The following RBFOX1 variants were observed in gnomAD, a reference collection of about 807,000 sequenced individuals.
RBFOX1 encodes the protein RNA binding fox-1 homolog 1.
Under a neutral mutation model 57.7 loss-of-function variants are expected in RBFOX1, and 8 were observed. The ratio of observed to expected loss-of-function variants is 0.14; its 90% CI spans 0.08 to 0.25. The LOEUF (loss-of-function observed/expected upper bound fraction) is 0.25, where lower values mean the gene tolerates loss of function less well. Among genes scored for constraint, RBFOX1 ranks in the 10% least tolerant of loss-of-function variants. The pLI is 1.00. For synonymous variants in RBFOX1, 326 were observed against 222.4 expected (o/e 1.47, Z -4.15); for missense variants, 611 against 548.5 (o/e 1.11, Z -1.14).
At chr16:6,629,019 G>T (rs1309084913) in intron 2 of RBFOX1, among the ~76,000 whole-genome samples, 1 of 152,108 alleles carries the variant, frequency 6.6e-6, no homozygotes, top group Non-Finnish European at 1.5e-5. Flanking sequence ...GACAGAGTAA[G>T]ACTCCATCTC....
intron 5 of RBFOX1, among the ~76,000 whole-genome samples, chr16:7,562,928 T>G (rs1289543250): frequency 6.6e-6 from 1 of 152,202 alleles, no homozygotes; most frequent in African/African-American, 2.4e-5. Context: ...GCCTGAGTTT[T>G]AACAACCAAG....
At chr16:7,237,390 T>A (rs2093821587) in intron 4 of RBFOX1, among the ~76,000 whole-genome samples, 1 of 152,196 alleles carries the variant, frequency 6.6e-6, no homozygotes, top group African/African-American at 2.4e-5. Flanking sequence ...TAATAATTAA[T>A]AATAATTTGA....
At chr16:6,999,483 G>A (rs565273085) in intron 3 of RBFOX1, among the ~76,000 whole-genome samples, 1 of 151,442 alleles carries the variant, frequency 6.6e-6, no homozygotes, top group East Asian at 1.9e-4. Flanking sequence ...CACCCAGGCT[G>A]GAGCATTCTC....
At chr16:6,701,035 AG>A (rs56718003) in intron 3 of RBFOX1, among the ~76,000 whole-genome samples, 28,864 of 150,268 alleles carry the variant, frequency 0.19, 3,649 homozygotes, top group East Asian at 0.46. Context: ...AGTTGGGCAG[AG>A]GGGGGGGTGA....
chr16:5,354,293 C>CT (rs1268022019), intron 1 of RBFOX1, among the ~76,000 whole-genome samples: 1 of 152,176 alleles, frequency 6.6e-6, no homozygotes, highest in South Asian at 2.1e-4. Context: ...GGTTGGACCA[C>CT]TTTTTTTTCT....
At chr16:7,389,452 A>G (rs1001715623) in intron 4 of RBFOX1, among the ~76,000 whole-genome samples, 1 of 152,148 alleles carries the variant, frequency 6.6e-6, no homozygotes, top group African/African-American at 2.4e-5. Flanking sequence ...TGAAATGTTG[A>G]TTGGGGTGTG....
At chr16:7,449,426 A>G (rs981315163) in intron 4 of RBFOX1, among the ~76,000 whole-genome samples, 3 of 152,130 alleles carry the variant, frequency 2.0e-5, no homozygotes, top group Non-Finnish European at 4.4e-5. Flanking sequence ...GAAAACTTGA[A>G]GAGGTTTGGC....
At chr16:7,459,540 G>C (rs2059164715) in intron 4 of RBFOX1, among the ~76,000 whole-genome samples, 1 of 152,182 alleles carries the variant, frequency 6.6e-6, no homozygotes, top group East Asian at 1.9e-4. Flanking sequence ...CCACTGTGTG[G>C]AACAATTTAA....
intron 1 of RBFOX1, among the ~76,000 whole-genome samples, chr16:5,316,427 A>G (rs1327502804): frequency 2.0e-5 from 3 of 152,022 alleles, no homozygotes; most frequent in Non-Finnish European, 4.4e-5. Context: ...ATAGGTGGAG[A>G]TGGTTGGCGT....
chr16:6,607,026 C>T (rs1307859589), intron 2 of RBFOX1, among the ~76,000 whole-genome samples: 2 of 152,142 alleles, frequency 1.3e-5, no homozygotes, highest in African/African-American at 4.8e-5. Context: ...TCTGTTGTTT[C>T]TTGACTTTTT....
chr16:5,511,060 A>T (rs2043567491), intron 2 of RBFOX1, among the ~76,000 whole-genome samples: 1 of 152,174 alleles, frequency 6.6e-6, no homozygotes, highest in African/African-American at 2.4e-5. Context: ...TCACAGCATG[A>T]TGCAATTGGC....
At chr16:7,313,124 C>G (rs1024966881) in intron 4 of RBFOX1, among the ~76,000 whole-genome samples, 31 of 152,316 alleles carry the variant, frequency 2.0e-4, no homozygotes, top group African/African-American at 6.7e-4. Flanking sequence ...CCGGGCCACT[C>G]CTGGAATTTC....
Position 6,543,488 on chromosome 16 carries a change from C to A in RBFOX1, c.-63-111115C>A, listed in dbSNP as rs147308467. 2.7e-3 allele frequency among the ~76,000 whole-genome samples: 405 copies of A among 152,222 alleles called. 2 individuals are homozygous for A. Among genetic ancestry groups the A allele is most frequent in the African/African-American group, 9.4e-3 (392 of 41,532 alleles). ...CTGACATGTGGCTCAGTTTGGGAAC[C>A]CACTTGTTCCCTCTCTGAGATCTTT... is the stretch of plus-strand genomic sequence containing the variant. On this transcript the variant is annotated intron_variant, in intron 2 of 15. Coordinates refer to ENST00000550418, the MANE Select transcript of RBFOX1 (RefSeq NM_018723.4).
chr16:6,288,450 G>T (rs951656252), intron 1 of RBFOX1, among the ~76,000 whole-genome samples: 4 of 152,162 alleles, frequency 2.6e-5, no homozygotes, highest in African/African-American at 9.7e-5. Context: ...ACTTTGGGTA[G>T]CAAGGATTTT....
chr16:7,493,642 A>C (rs972652680), intron 4 of RBFOX1, among the ~76,000 whole-genome samples: 1 of 152,208 alleles, frequency 6.6e-6, no homozygotes, highest in Non-Finnish European at 1.5e-5. Flanking sequence ...TGCATTTTGA[A>C]GTTGGAGAAA....
intron 3 of RBFOX1, among the ~76,000 whole-genome samples, chr16:5,857,611 A>G (rs2057104599): frequency 6.6e-6 from 1 of 152,182 alleles, no homozygotes; most frequent in Admixed American, 6.5e-5. Context: ...ACACTGAGTG[A>G]ATCCCCTGTT....
intron 4 of RBFOX1, among the ~76,000 whole-genome samples, chr16:7,199,720 C>A (rs1255824001): frequency 6.6e-6 from 1 of 152,068 alleles, no homozygotes; most frequent in Non-Finnish European, 1.5e-5. Flanking sequence ...CGTGGTGAAA[C>A]CCCGTCTTTA....
intron 3 of RBFOX1, among the ~76,000 whole-genome samples, chr16:6,888,181 A>G (rs1396251984): frequency 1.3e-5 from 2 of 152,142 alleles, no homozygotes; most frequent in African/African-American, 4.8e-5. Context: ...CATTTTGAAC[A>G]TTTTATTTCT....
intron 4 of RBFOX1, among the ~76,000 whole-genome samples, chr16:7,514,557 G>A (rs2075928235): frequency 6.6e-6 from 1 of 152,128 alleles, no homozygotes; most frequent in Admixed American, 6.5e-5. Flanking sequence ...GTGGAGCAGA[G>A]GGGATGGGCA....
Sources: gnomAD v4.1 joint callset for allele counts (sites outside exome capture counted in the v4.1 genomes callset) on GRCh38, gnomAD v4.1.1 for gene constraint, MANE v1.5 for transcripts, NCBI Gene and HGNC (gene_info 2026-07-23, HGNC 2026-07-21) for gene names.